The following C12orf56 variants were observed in gnomAD, a reference collection of about 807,000 sequenced individuals.
C12orf56 encodes the protein uncharacterized protein C12orf56.
C12orf56 carries 71 observed loss-of-function variants against 69.9 expected under a neutral mutation model. The ratio of observed to expected loss-of-function variants is 1.02; its 90% CI spans 0.84 to 1.24. C12orf56 has a LOEUF of 1.24. Among genes scored for constraint, C12orf56 ranks in the 50% most tolerant of loss-of-function variants. The pLI, the probability that C12orf56 is intolerant of heterozygous loss-of-function variation, is 0.00. For synonymous variants in C12orf56, 276 were observed against 274.1 expected (o/e 1.01, Z -0.07); for missense variants, 732 against 738.5 (o/e 0.99, Z 0.10).
intron 1 of C12orf56, among the ~76,000 whole-genome samples, chr12:64,380,762 A>G (rs2039709921): frequency 6.6e-6 from 1 of 152,154 alleles, no homozygotes; most frequent in Admixed American, 6.5e-5. Context: ...GGCAAGTACA[A>G]AGGTCCTGAG....
chr12:64,302,044 C>G (rs150350580), intron 6 of C12orf56, among the ~76,000 whole-genome samples: 2 of 152,292 alleles, frequency 1.3e-5, no homozygotes, highest in Non-Finnish European at 2.9e-5. Flanking sequence ...TAAATTGATA[C>G]TGTGTGTGGG....
intron 1 of C12orf56, among the ~76,000 whole-genome samples, chr12:64,374,856 T>C (rs1055300005): frequency 6.6e-6 from 1 of 152,126 alleles, no homozygotes; most frequent in Non-Finnish European, 1.5e-5. Context: ...TATTTTCAAC[T>C]TTTAAGTTCA....
rs149019420 is a variant in C12orf56, at chr12:64,386,721, G to C, written c.252+3593C>G. 6.8e-3 allele frequency among the ~76,000 whole-genome samples: 1,032 copies of C among 151,920 alleles called. 12 individuals are homozygous for C. The highest frequency in any genetic ancestry group is 0.023 in the African/African-American group (955 of 41,422). On this transcript the variant is annotated intron_variant, in intron 1 of 12. Transcript: ENST00000543942. ...AATTTTTATATTTTTAGTAGAGATG[G>C]GTCTTCACCACGTTGGCCAGGCTGA...
At chr12:64,312,550 A>G (rs2038633748) in intron 5 of C12orf56, 129 bp downstream of exon 5, 2 of 623,646 alleles carry the variant, frequency 3.2e-6, no homozygotes, top group Non-Finnish European at 5.5e-6. Context: ...TAGAGGTTGC[A>G]GTGAGCCAAG....
At chr12:64,298,556 T>C (rs1231086998) in intron 6 of C12orf56, among the ~76,000 whole-genome samples, 2 of 152,246 alleles carry the variant, frequency 1.3e-5, no homozygotes, top group East Asian at 3.8e-4. Context: ...TTAATTTTTG[T>C]ATAAGGTGTA....
chr12:64,286,550 G>C (rs957142325), intron 6 of C12orf56, among the ~76,000 whole-genome samples: 15 of 152,154 alleles, frequency 9.9e-5, no homozygotes, highest in African/African-American at 3.4e-4. Flanking sequence ...GATTCTTCTG[G>C]TAATACAGTG....
intron 1 of C12orf56, among the ~76,000 whole-genome samples, chr12:64,357,082 C>A (rs933807160): frequency 6.6e-5 from 10 of 151,046 alleles, no homozygotes; most frequent in African/African-American, 2.4e-4. Context: ...CCTAAAACAT[C>A]TTTGAGATTT....
intron 2 of C12orf56, among the ~76,000 whole-genome samples, chr12:64,340,834 G>A (rs2039065297): frequency 6.6e-6 from 1 of 152,108 alleles, no homozygotes; most frequent in South Asian, 2.1e-4. Context: ...ACCTCAGCAG[G>A]TCATGGTTTT....
At chr12:64,280,111 G>A (rs2038102786) in intron 8 of C12orf56, among the ~76,000 whole-genome samples, 1 of 152,082 alleles carries the variant, frequency 6.6e-6, no homozygotes, top group African/African-American at 2.4e-5. Context: ...CTCCACTCAT[G>A]AAAACAATAA....
intron 2 of C12orf56, among the ~76,000 whole-genome samples, chr12:64,345,077 T>A (rs954331572): frequency 4.6e-5 from 7 of 152,206 alleles, no homozygotes. Flanking sequence ...GTTCTCCAGA[T>A]TGTTGTTTAA....
intron 3 of C12orf56, among the ~76,000 whole-genome samples, chr12:64,326,436 A>G (rs1214755120): frequency 6.6e-6 from 1 of 152,222 alleles, no homozygotes; most frequent in African/African-American, 2.4e-5. Flanking sequence ...GTATTATTAA[A>G]TTATCACAAT....
At chr12:64,282,757 A>T (rs1257725731) in intron 8 of C12orf56, among the ~76,000 whole-genome samples, 1 of 150,878 alleles carries the variant, frequency 6.6e-6, no homozygotes, top group Admixed American at 6.6e-5. Context: ...ATGAGAGTGA[A>T]ACCCTATCTA....
intron 1 of C12orf56, among the ~76,000 whole-genome samples, chr12:64,374,619 C>T (rs1322427638): frequency 6.6e-6 from 1 of 151,866 alleles, no homozygotes; most frequent in Admixed American, 6.6e-5. Flanking sequence ...TCTCGGCTCA[C>T]TGCAAACTCC....
In C12orf56 at chr12:64,323,332, C is replaced by T. The variant is rs76061376; in HGVS notation, c.489-4352G>A. Among the ~76,000 whole-genome samples the T allele has an allele frequency of 7.9e-3, 1,202 of 152,228 alleles. 17 individuals are homozygous for T. Among genetic ancestry groups the T allele is most frequent in the African/African-American group, 0.027 (1,134 of 41,536 alleles). ...TTGTATTCATACATTTAAAATAGAA[C>T]ACAGAGCCCAGCAATTCGAATATGC... is the stretch of plus-strand genomic sequence containing the variant. On this transcript the variant is annotated intron_variant, in intron 3 of 12. Transcript: ENST00000543942.
chr12:64,342,358 C>T (rs765185913), intron 2 of C12orf56, among the ~76,000 whole-genome samples: 15 of 152,160 alleles, frequency 9.9e-5, no homozygotes, highest in Non-Finnish European at 1.9e-4. Context: ...CAGGGATGTC[C>T]GAGAAAGAGG....
intron 2 of C12orf56, among the ~76,000 whole-genome samples, chr12:64,336,332 A>G (rs996659388): frequency 6.6e-6 from 1 of 152,178 alleles, no homozygotes; most frequent in Non-Finnish European, 1.5e-5. Context: ...TATTCTATGA[A>G]TAGCCCTGCA....
chr12:64,277,065 T>C (rs1275945951), intron 9 of C12orf56, among the ~76,000 whole-genome samples: 1 of 139,240 alleles, frequency 7.2e-6, no homozygotes, highest in Non-Finnish European at 1.5e-5. Flanking sequence ...ATTCTGACCA[T>C]ATATTTAAGA....
chr12:64,314,643 C>CA (rs1219606706), intron 4 of C12orf56, among the ~76,000 whole-genome samples: 1 of 144,256 alleles, frequency 6.9e-6, no homozygotes, highest in African/African-American at 2.5e-5. Context: ...TGCAGACAAG[C>CA]TTTTTTTTTT....
At chr12:64,377,018 A>G (rs2039651103) in intron 1 of C12orf56, among the ~76,000 whole-genome samples, 1 of 152,040 alleles carries the variant, frequency 6.6e-6, no homozygotes, top group Non-Finnish European at 1.5e-5. Flanking sequence ...CAATCTCACC[A>G]GCATCTGTTG....
Sources: allele counts gnomAD v4.1 joint callset (sites outside exome capture counted in the v4.1 genomes callset), GRCh38; gene constraint gnomAD v4.1.1; transcripts MANE v1.5; gene names NCBI Gene and HGNC (gene_info 2026-07-23, HGNC 2026-07-21).